CYP4X1: variants seen among roughly 807,000 people sequenced by gnomAD.
CYP4X1 encodes cytochrome P450 family 4 subfamily X member 1.
In CYP4X1, 44 loss-of-function variants were observed where a neutral mutation model predicts 57.9. That is an observed-to-expected ratio of 0.76 (90% CI 0.60 to 0.98). The LOEUF is 0.98. Ranked by LOEUF, CYP4X1 falls within the 50% of genes least tolerant of loss-of-function variation. The pLI, the probability that CYP4X1 is intolerant of heterozygous loss-of-function variation, is 0.00. For missense variants in CYP4X1, 532 were observed against 623.9 expected (o/e 0.85, Z 1.57); for synonymous variants, 227 against 228.6 (o/e 0.99, Z 0.06).
At chr1:46,972,643 C>A in the CYP4X1 span, among the ~76,000 whole-genome samples, 1 of 152,138 alleles carries the variant, frequency 6.6e-6, no homozygotes, top group South Asian at 2.1e-4. Flanking sequence ...CTTGTACAGA[C>A]CTTTTACCTC....
upstream of CYP4X1, among the ~76,000 whole-genome samples, chr1:47,023,190 T>C (rs937667472): frequency 1.3e-5 from 2 of 152,236 alleles, no homozygotes; most frequent in Non-Finnish European, 2.9e-5. Flanking sequence ...ACTGTACCTG[T>C]ATAGTGGAAT....
the CYP4X1 span, among the ~76,000 whole-genome samples, chr1:46,988,369 G>A: frequency 6.6e-6 from 1 of 151,976 alleles, no homozygotes; most frequent in African/African-American, 2.4e-5. Context: ...ACCAATAACA[G>A]GTTCTGAAAT....
At chr1:47,051,152 A>G (rs571742295), downstream of CYP4X1, among the ~76,000 whole-genome samples, 4 of 152,348 alleles carry the variant, frequency 2.6e-5, no homozygotes, top group South Asian at 6.2e-4. Flanking sequence ...ACTGGCCATC[A>G]GAGAAATGCA....
upstream of CYP4X1, among the ~76,000 whole-genome samples, chr1:47,020,720 A>C (rs10890445): frequency 0.43 from 64,948 of 152,056 alleles, 14,863 homozygotes; most frequent in East Asian, 0.87. Context: ...GCTCCACAAA[A>C]TTCTAGACTT....
the CYP4X1 span, among the ~76,000 whole-genome samples, chr1:46,985,015 G>C: frequency 6.6e-6 from 1 of 152,208 alleles, no homozygotes; most frequent in East Asian, 1.9e-4. Context: ...GCTCAAGCTT[G>C]GTGGGGAGAG....
Position 47,050,121 on chromosome 1 carries a change from C to T in CYP4X1, c.1477C>T (p.Leu493Phe). The change falls in exon 12 of 12, where the codon CTC becomes TTC. Residue 493 changes from leucine to phenylalanine, a missense_variant. By Grantham distance (22) the Leu-to-Phe change is conservative. Coordinates refer to ENST00000371901, the MANE Select transcript of CYP4X1 (RefSeq NM_178033.2). Reference sequence around the variant, plus strand: ...TCTTACTTTCCCCAACCATTTTATCCTCAAGCCCAAGAATGGGATGTATTT... The same window carrying T: ...TCTTACTTTCCCCAACCATTTTATCTTCAAGCCCAAGAATGGGATGTATTT... The part of the protein sequence containing the change: ...RPLTFPNHFI[L>F]KPKNGMYLHL... 6.2e-7 allele frequency: 1 copy of T among 1,614,038 alleles called. No homozygotes were observed. The highest frequency in any genetic ancestry group is 8.5e-7 in the Non-Finnish European group (1 of 1,180,010).
chr1:46,982,734 T>C, the CYP4X1 span, among the ~76,000 whole-genome samples: 2 of 152,184 alleles, frequency 1.3e-5, no homozygotes, highest in African/African-American at 4.8e-5. Flanking sequence ...CTCCTATATA[T>C]TTCCTCACAT....
At chr1:47,037,552 C>T (rs1644198775) in intron 6 of CYP4X1, among the ~76,000 whole-genome samples, 1 of 152,098 alleles carries the variant, frequency 6.6e-6, no homozygotes, top group Non-Finnish European at 1.5e-5. Context: ...TCTCAACCCT[C>T]AGCACTAATG....
At chr1:47,023,250 G>C (rs1272590947), upstream of CYP4X1, among the ~76,000 whole-genome samples, 6 of 152,162 alleles carry the variant, frequency 3.9e-5, no homozygotes. Flanking sequence ...TCAGTGTTCA[G>C]TGCCCTCGTA....
chr1:46,985,309 C>G, the CYP4X1 span, among the ~76,000 whole-genome samples: 1 of 152,140 alleles, frequency 6.6e-6, no homozygotes, highest in Non-Finnish European at 1.5e-5. Flanking sequence ...GCCTGGGTGA[C>G]AGAGCAAGAG....
chr1:46,972,319 C>A, the CYP4X1 span, among the ~76,000 whole-genome samples: 1 of 152,168 alleles, frequency 6.6e-6, no homozygotes. Context: ...TGTGTCAGTA[C>A]AATGCTGTTT....
chr1:46,967,898 G>A, the CYP4X1 span: 1 of 693,614 alleles, frequency 1.4e-6, no homozygotes, highest in Non-Finnish European at 2.2e-6. Flanking sequence ...GAATTGATAA[G>A]AGGCCTCAGT....
At chr1:46,999,315 A>G in the CYP4X1 span, among the ~76,000 whole-genome samples, 63 of 152,288 alleles carry the variant, frequency 4.1e-4, no homozygotes, top group East Asian at 9.6e-3. Flanking sequence ...TTGTGTTTCC[A>G]GGAGTTTTCC....
At chr1:46,971,378 G>A in the CYP4X1 span, among the ~76,000 whole-genome samples, 5 of 152,286 alleles carry the variant, frequency 3.3e-5, no homozygotes, top group South Asian at 1.0e-3. Context: ...GTGCTGTGAT[G>A]AACATATGCG....
Position 47,024,996 on chromosome 1 carries a change from T to C in CYP4X1, c.177+1002T>C, listed in dbSNP as rs1164460357. ...TACCATATTGCATCTATTAATTTAA[T>C]AAGTTTAGACATCTGCTGTGGTTTA... On this transcript the variant is annotated intron_variant, in intron 1 of 11. Coordinates refer to ENST00000371901, the MANE Select transcript of CYP4X1 (RefSeq NM_178033.2). 2.6e-5 allele frequency among the ~76,000 whole-genome samples: 4 copies of C among 152,374 alleles called. No homozygotes were observed. The East Asian group carries it at 7.7e-4, about 29-fold the overall frequency.
the CYP4X1 span, among the ~76,000 whole-genome samples, chr1:46,968,466 C>T: frequency 6.6e-6 from 1 of 152,200 alleles, no homozygotes; most frequent in Admixed American, 6.5e-5. Context: ...CTGTGCAGCC[C>T]ATGTCCTTGT....
At chr1:47,047,924 C>T (rs2148516601) in intron 9 of CYP4X1, among the ~76,000 whole-genome samples, 1 of 152,202 alleles carries the variant, frequency 6.6e-6, no homozygotes, top group South Asian at 2.1e-4. Context: ...CCTAAATTGT[C>T]TCCAGGAGTG....
At chr1:46,995,473 A>G in the CYP4X1 span, among the ~76,000 whole-genome samples, 1 of 152,160 alleles carries the variant, frequency 6.6e-6, no homozygotes, top group Non-Finnish European at 1.5e-5. Context: ...CATGGAGATC[A>G]CAGATAGAGG....
At chr1:47,021,605 G>A (rs1190401052), upstream of CYP4X1, among the ~76,000 whole-genome samples, 1 of 152,214 alleles carries the variant, frequency 6.6e-6, no homozygotes, top group Non-Finnish European at 1.5e-5. Context: ...GAGAAGGCCT[G>A]AACTTCAAGC....
Sources: gnomAD v4.1 joint callset for allele counts (sites outside exome capture counted in the v4.1 genomes callset) on GRCh38, gnomAD v4.1.1 for gene constraint, MANE v1.5 for transcripts, NCBI Gene and HGNC (gene_info 2026-07-23, HGNC 2026-07-21) for gene names.